REDIC1: variants seen among roughly 807,000 people sequenced by gnomAD.
REDIC1 encodes the protein regulator of DNA class I crossover intermediates 1.
chr12:39,682,536 G>T, the REDIC1 span: 2 of 1,148,202 alleles, frequency 1.7e-6, no homozygotes, highest in Non-Finnish European at 2.4e-6. Context: ...TGTCCTCTAA[G>T]AATTGAAAGT....
the REDIC1 span, chr12:39,685,042 T>A: frequency 1.6e-6 from 1 of 627,876 alleles, no homozygotes; most frequent in Non-Finnish European, 2.6e-6. Flanking sequence ...TTAATTTTTA[T>A]TGGATGGACT....
chr12:39,655,704 G>A, the REDIC1 span, among the ~76,000 whole-genome samples: 1 of 152,168 alleles, frequency 6.6e-6, no homozygotes, highest in Non-Finnish European at 1.5e-5. Context: ...CCATTACGGG[G>A]CTCTCCAACC....
the REDIC1 span, among the ~76,000 whole-genome samples, chr12:39,866,771 GC>G: frequency 6.6e-6 from 1 of 152,122 alleles, no homozygotes; most frequent in African/African-American, 2.4e-5. Flanking sequence ...GAGCCACAGC[GC>G]CCGGCCGAAA....
the REDIC1 span, chr12:39,650,092 A>T: frequency 2.5e-6 from 2 of 814,102 alleles, no homozygotes; most frequent in Non-Finnish European, 3.4e-6. This position sits in a 1 kb window ranked among gnomAD's most constrained non-coding sequence, Gnocchi z 4.3. Context: ...TGTTTTCAAT[A>T]AGTAGTAAAA....
chr12:39,667,895 CT>C, the REDIC1 span, among the ~76,000 whole-genome samples: 1 of 152,000 alleles, frequency 6.6e-6, no homozygotes, highest in Admixed American at 6.6e-5. Context: ...CAACCCCTGC[CT>C]TTTTTTGTTT....
chr12:39,838,711 G>C, the REDIC1 span, among the ~76,000 whole-genome samples: 8 of 152,128 alleles, frequency 5.3e-5, no homozygotes, highest in East Asian at 1.6e-3. Context: ...TATGTTTCAC[G>C]TGGCACCCAG....
the REDIC1 span, among the ~76,000 whole-genome samples, chr12:39,652,602 C>T: frequency 3.9e-5 from 6 of 151,990 alleles, no homozygotes; most frequent in East Asian, 3.9e-4. Context: ...TGATGAAGTC[C>T]GACATTAATT....
chr12:39,783,774 G>A, the REDIC1 span, among the ~76,000 whole-genome samples: 1 of 152,074 alleles, frequency 6.6e-6, no homozygotes, highest in African/African-American at 2.4e-5. Context: ...AGATGGGTAG[G>A]AAGTCAAATG....
the REDIC1 span, chr12:39,830,322 C>G: frequency 6.6e-7 from 1 of 1,515,480 alleles, no homozygotes. Flanking sequence ...TTTCCACTCT[C>G]TTGTGCAGTA....
At chr12:39,722,508 A>T in the REDIC1 span, among the ~76,000 whole-genome samples, 5 of 152,272 alleles carry the variant, frequency 3.3e-5, no homozygotes, top group Admixed American at 2.0e-4. Flanking sequence ...AGCAGTGAAC[A>T]CTGATACATA....
the REDIC1 span, among the ~76,000 whole-genome samples, chr12:39,691,830 G>A: frequency 6.6e-6 from 1 of 152,010 alleles, no homozygotes; most frequent in Non-Finnish European, 1.5e-5. Context: ...TTCTTGGCAA[G>A]TGTCTATTCT....
At chr12:39,714,192 T>C in the REDIC1 span, among the ~76,000 whole-genome samples, 632 of 134,036 alleles carry the variant, frequency 4.7e-3, 16 homozygotes, top group African/African-American at 0.012. Flanking sequence ...TGCATATATG[T>C]ATATATGTAT....
At chr12:39,681,700 A>G in the REDIC1 span, among the ~76,000 whole-genome samples, 1 of 152,310 alleles carries the variant, frequency 6.6e-6, no homozygotes, top group South Asian at 2.1e-4. Context: ...TTCATGGGTA[A>G]AACATTAATC....
the REDIC1 span, among the ~76,000 whole-genome samples, chr12:39,709,046 G>A: frequency 1.3e-4 from 20 of 151,752 alleles, no homozygotes; most frequent in African/African-American, 4.8e-4. Flanking sequence ...TAGTAGTTGC[G>A]TAAAATACCT....
chr12:39,639,235 A>T, the REDIC1 span, among the ~76,000 whole-genome samples: 1 of 151,958 alleles, frequency 6.6e-6, no homozygotes, highest in Non-Finnish European at 1.5e-5. Flanking sequence ...TGGCAGCAGT[A>T]CACTTATGAT....
the REDIC1 span, chr12:39,721,041 T>C: frequency 6.2e-7 from 1 of 1,613,788 alleles, no homozygotes; most frequent in Non-Finnish European, 8.5e-7. Flanking sequence ...AAACCAATGA[T>C]AACTGCGTTC....
the REDIC1 span, among the ~76,000 whole-genome samples, chr12:39,838,730 C>T: frequency 6.6e-6 from 1 of 151,978 alleles, no homozygotes; most frequent in Admixed American, 6.6e-5. Context: ...AGGGTCTTGG[C>T]CAAATGTGCT....
chr12:39,868,540 G>T, the REDIC1 span, among the ~76,000 whole-genome samples: 1 of 152,106 alleles, frequency 6.6e-6, no homozygotes, highest in Admixed American at 6.5e-5. Context: ...AGTAGATCTG[G>T]GTTAAGGCCC....
chr12:39,765,019 G>A, the REDIC1 span, among the ~76,000 whole-genome samples: 5 of 151,974 alleles, frequency 3.3e-5, no homozygotes, highest in East Asian at 3.9e-4. Flanking sequence ...TTAGATATGC[G>A]AGCTTGTATA....
Sources: gnomAD v4.1 joint callset for allele counts (sites outside exome capture counted in the v4.1 genomes callset) on GRCh38, gnomAD v4.1.1 for gene constraint, Gnocchi (gnomAD v3.1) non-coding constraint, MANE v1.5 for transcripts, NCBI Gene and HGNC (gene_info 2026-07-23, HGNC 2026-07-21) for gene names.